ERBIN: variants seen among roughly 807,000 people sequenced by gnomAD.
ERBIN encodes erbb2 interacting protein, also known as densin-180-like protein.
ERBIN carries 60 observed loss-of-function variants against 158.4 expected under a neutral mutation model. The observed-to-expected ratio is 0.38, with a 90% CI of 0.31 to 0.47. The LOEUF (loss-of-function observed/expected upper bound fraction) is 0.47. Among genes scored for constraint, ERBIN ranks in the 20% least tolerant of loss-of-function variants. The pLI, the probability that ERBIN is intolerant of heterozygous loss-of-function variation, is 0.99. For synonymous variants in ERBIN, 594 were observed against 557.2 expected (o/e 1.07, Z -0.93); for missense variants, 1,610 against 1,648.0 (o/e 0.98, Z 0.40).
chr5:66,026,383 CA>C lies in ERBIN; in HGVS notation c.1107del (p.Lys369AsnfsTer2). 1.3e-6 allele frequency: 2 copies of C among 1,597,926 alleles called. No homozygotes were observed. Among genetic ancestry groups the C allele is most frequent in the East Asian group, 2.3e-5 (1 of 43,612 alleles). On this transcript the variant is annotated frameshift_variant, in exon 13 of 26. Transcript: ENST00000284037. LOFTEE classifies it high-confidence loss of function. ...ETLPEEMGDM[Q>X]KLKVINLSDN... Reference sequence around the variant, plus strand: ...ACTTCCAGAGGAAATGGGTGATATGCAAAAATTAAAAGTCATTAATTTAAGT... The same window carrying C: ...ACTTCCAGAGGAAATGGGTGATATGCAAAATTAAAAGTCATTAATTTAAGT...
intron 4 of ERBIN, among the ~76,000 whole-genome samples, chr5:66,004,848 G>A (rs1451180239): frequency 1.3e-5 from 2 of 152,176 alleles, no homozygotes; most frequent in Non-Finnish European, 2.9e-5. Context: ...TAAGGTGTGA[G>A]CGTCTATAGC....
At chr5:65,955,430 G>A (rs1350022713) in intron 1 of ERBIN, among the ~76,000 whole-genome samples, 1 of 152,178 alleles carries the variant, frequency 6.6e-6, no homozygotes, top group Non-Finnish European at 1.5e-5. Flanking sequence ...AGGAGTTCAA[G>A]ACCAGCCTGG....
intron 1 of ERBIN, among the ~76,000 whole-genome samples, chr5:65,971,117 C>T (rs560102769): frequency 6.6e-6 from 1 of 152,170 alleles, no homozygotes; most frequent in South Asian, 2.1e-4. Flanking sequence ...TAGGTTTGAC[C>T]TTTTTGTGCC....
chr5:66,021,728 T>G (rs1409655202), intron 8 of ERBIN, among the ~76,000 whole-genome samples: 1 of 152,130 alleles, frequency 6.6e-6, no homozygotes, highest in Admixed American at 6.5e-5. Flanking sequence ...CAGAGAGAGC[T>G]CCATGGGGTA....
chr5:66,051,571 C>CT, intron 20 of ERBIN, among the ~76,000 whole-genome samples: 1 of 152,252 alleles, frequency 6.6e-6, no homozygotes, highest in East Asian at 1.9e-4. Flanking sequence ...TAGTGTTACT[C>CT]TATCAGCTAA....
chr5:66,058,240 G>A lies in ERBIN; in HGVS notation c.3633+3289G>A, dbSNP rs574132888. Among the ~76,000 whole-genome samples the A allele has an allele frequency of 2.9e-4, 44 of 151,774 alleles. No individual in the cohort carries two copies. The South Asian group carries it at 9.1e-3, about 31-fold the overall frequency. On this transcript the variant is annotated intron_variant, in intron 21 of 25. Coordinates refer to ENST00000284037, the MANE Select transcript of ERBIN (RefSeq NM_001253697.2). The stretch of plus-strand genomic sequence containing the variant: ...ATGATTGCCATTCTAACTGGTGTGA[G>A]ATGGTATCTATCTCATTGTGGTTTT...
intron 4 of ERBIN, among the ~76,000 whole-genome samples, chr5:65,997,415 T>G (rs1404182812): frequency 6.6e-6 from 1 of 152,208 alleles, no homozygotes; most frequent in Non-Finnish European, 1.5e-5. Context: ...ATGTTGAAAT[T>G]ATTAAGGCCA....
At chr5:66,025,708 C>T in intron 11 of ERBIN, 140 bp from the exon 12 acceptor site, 1 of 843,598 alleles carries the variant, frequency 1.2e-6, no homozygotes, top group Non-Finnish European at 1.8e-6. Context: ...GACAAACCTA[C>T]TTATTGGTGA....
rs1000394210 is a variant in ERBIN, at chr5:66,053,594, A to G, written c.2276A>G (p.Lys759Arg). The G allele has an allele frequency of 1.2e-6, 2 of 1,610,720 alleles. No homozygotes were observed. The highest frequency in any genetic ancestry group is 2.7e-5 in the African/African-American group (2 of 74,548). Residue 759 changes from lysine to arginine, a missense_variant, in exon 21 of 26, where the codon AAA (lysine) becomes AGA (arginine). Lys to Arg is a conservative substitution (Grantham distance 26). Around this residue, in one of 2 missense-constraint regions of ERBIN, gnomAD observed 1,014 missense variants for 936.1 expected, o/e 1.08. Coordinates refer to ENST00000284037, the MANE Select transcript of ERBIN (RefSeq NM_001253697.2). ...ACAGCCACAGCTGATGACACTCACA[A>G]ATTAGATCATATCAATATGAATCTT... ...DSTATADDTH[K>R]LDHINMNLNK...
At chr5:66,057,493 TAAA>T (rs1759725088) in intron 21 of ERBIN, among the ~76,000 whole-genome samples, 2 of 152,204 alleles carry the variant, frequency 1.3e-5, no homozygotes, top group Non-Finnish European at 2.9e-5. Flanking sequence ...TTATTTTTCT[TAAA>T]AATTTATAGT....
intron 1 of ERBIN, among the ~76,000 whole-genome samples, chr5:65,982,379 A>T (rs73107515): frequency 0.01 from 1,557 of 152,304 alleles, 24 homozygotes; most frequent in African/African-American, 0.035. Flanking sequence ...GAATGTCTTT[A>T]TACAAACACC....
At chr5:65,982,441 G>A (rs1738387969) in intron 1 of ERBIN, among the ~76,000 whole-genome samples, 1 of 152,106 alleles carries the variant, frequency 6.6e-6, no homozygotes, top group South Asian at 2.1e-4. Flanking sequence ...AATGTGAAAT[G>A]TTTATGGAGA....
chr5:66,000,237 G>C (rs1237775504), intron 4 of ERBIN, among the ~76,000 whole-genome samples: 2 of 152,088 alleles, frequency 1.3e-5, no homozygotes, highest in Non-Finnish European at 1.5e-5. Flanking sequence ...GCTTGGCTCA[G>C]TAATGAAAAT....
intron 4 of ERBIN, among the ~76,000 whole-genome samples, chr5:65,996,244 G>GTTTTTTTTTTTTTTTTTTTTTTTGTT (rs34947686): frequency 9.9e-6 from 1 of 101,164 alleles, no homozygotes. Flanking sequence ...TTTCCTAGTA[G>GTTTTTTTTTTTTTTTTTTTTTTTGTT]TTTTTTTTTT....
intron 3 of ERBIN, among the ~76,000 whole-genome samples, chr5:65,993,458 CCTT>C (rs1348404961): frequency 6.6e-6 from 1 of 152,106 alleles, no homozygotes; most frequent in Non-Finnish European, 1.5e-5. Flanking sequence ...CCATGAAACA[CCTT>C]CTCAAGTTAT....
chr5:66,026,151 T>C (rs1364976738), intron 12 of ERBIN, 151 bp from the exon 13 acceptor site: 4 of 682,092 alleles, frequency 5.9e-6, no homozygotes, highest in African/African-American at 5.7e-5. Flanking sequence ...TGCTTTCTTA[T>C]GTACATAAAA....
intron 1 of ERBIN, among the ~76,000 whole-genome samples, chr5:65,931,810 C>G (rs1327231363): frequency 7.1e-6 from 1 of 141,442 alleles, no homozygotes; most frequent in Non-Finnish European, 1.6e-5. Flanking sequence ...GATTTTCTTT[C>G]TTTTCTTTCT....
At chr5:66,017,699 TATTG>T (rs1754936770) in intron 7 of ERBIN, among the ~76,000 whole-genome samples, 1 of 152,114 alleles carries the variant, frequency 6.6e-6, no homozygotes, top group South Asian at 2.1e-4. Context: ...TTGTTGCTTT[TATTG>T]CCTGTGGTTT....
intron 21 of ERBIN, among the ~76,000 whole-genome samples, chr5:66,068,338 A>T (rs544686874): frequency 3.4e-4 from 51 of 152,088 alleles, no homozygotes; most frequent in African/African-American, 1.2e-3. Context: ...AAAAAAAAAA[A>T]AATTTTTGAA....
Sources: gnomAD v4.1 joint callset for allele counts (sites outside exome capture counted in the v4.1 genomes callset) on GRCh38, gnomAD v4.1.1 for gene constraint, gnomAD v4.1.1 regional missense constraint, MANE v1.5 for transcripts, NCBI Gene and HGNC (gene_info 2026-07-23, HGNC 2026-07-21) for gene names.